DYSF: variants seen among roughly 807,000 people sequenced by gnomAD.
The protein encoded by DYSF is dysferlin.
In DYSF, 212 loss-of-function variants were observed where a neutral mutation model predicts 274.9. The observed-to-expected ratio is 0.77, with a 90% CI of 0.69 to 0.86. The LOEUF is 0.86. Ranked by LOEUF, DYSF falls within the 40% of genes least tolerant of loss-of-function variation. The pLI is 0.00. For missense variants in DYSF, 2,666 were observed against 2,783.2 expected, an observed-to-expected ratio of 0.96 and a Z score of 0.95; for synonymous variants, 1,091 against 1,078.7, an observed-to-expected ratio of 1.01 and a Z score of -0.22.
At chr2:71,605,593 G>A (rs2093632362) in intron 36 of DYSF, among the ~76,000 whole-genome samples, 1 of 152,290 alleles carries the variant, frequency 6.6e-6, no homozygotes, top group Admixed American at 6.5e-5. Flanking sequence ...TCCTGCTGGG[G>A]CAGGGGATGC....
At chr2:71,459,111 A>G (rs1352374899) in intron 1 of DYSF, among the ~76,000 whole-genome samples, 1 of 152,188 alleles carries the variant, frequency 6.6e-6, no homozygotes, top group Non-Finnish European at 1.5e-5. Flanking sequence ...GGGAGAGGGA[A>G]GAAGGCCTCA....
chr2:71,660,008 C>T (rs183308458), intron 44 of DYSF, among the ~76,000 whole-genome samples: 114 of 152,354 alleles, frequency 7.5e-4, no homozygotes, highest in African/African-American at 2.5e-3. Flanking sequence ...GCACCACTGA[C>T]GGCCTCCAAG....
At position 71,589,860 on chromosome 2, in the gene DYSF, C is replaced by T. The variant is rs72902629; in HGVS notation, c.3496+174C>T. Among the ~76,000 whole-genome samples, 920 of 152,184 alleles carry T rather than the reference C, an allele frequency of 6.0e-3. 17 individuals carry two copies. The highest frequency in any genetic ancestry group is 0.021 in the African/African-American group (875 of 41,530). On this transcript the variant is annotated intron_variant, in intron 31 of 55. Transcript: ENST00000410020. ...GTGTGTGTGTGCGCGCGTGCGTGCACGTGTCCGTGCCTATCTGTGTGGTGT... is the reference window on the plus strand; with the variant it reads ...GTGTGTGTGTGCGCGCGTGCGTGCATGTGTCCGTGCCTATCTGTGTGGTGT...
rs1360434170 is a variant in DYSF, at chr2:71,656,249, CAGG to C, written c.4720_4722del (p.Glu1574del). 1 of 1,614,222 alleles carries C rather than the reference CAGG, an allele frequency of 6.2e-7. No individual in the cohort carries two copies. Among genetic ancestry groups the C allele is most frequent in the Admixed American group, 1.7e-5 (1 of 60,030 alleles). ...CTTCAAGCTGTACCGGGGCAAGACG[CAGG>C]AGGAGACAGAAGATCCATCTGTGAT... On this transcript the variant is annotated inframe_deletion, in exon 43 of 56. Transcript: ENST00000410020.
At chr2:71,509,487 C>T (rs747816993) in intron 4 of DYSF, among the ~76,000 whole-genome samples, 13 of 152,114 alleles carry the variant, frequency 8.5e-5, no homozygotes, top group Non-Finnish European at 1.5e-4. Flanking sequence ...AATATCACTG[C>T]TGTTTCTTGG....
chr2:71,612,279 G>C (rs1023866461), intron 38 of DYSF, among the ~76,000 whole-genome samples: 2 of 152,178 alleles, frequency 1.3e-5, no homozygotes, highest in African/African-American at 4.8e-5. Context: ...GGGTCTGTAA[G>C]CCAACTCTTG....
At chr2:71,521,189 C>A (rs1049025645) in intron 12 of DYSF, among the ~76,000 whole-genome samples, 1 of 152,100 alleles carries the variant, frequency 6.6e-6, no homozygotes, top group African/African-American at 2.4e-5. Flanking sequence ...TTTCTTTTTG[C>A]AACAGTGAGA....
intron 1 of DYSF, among the ~76,000 whole-genome samples, chr2:71,479,315 C>T (rs563109913): frequency 7.9e-5 from 12 of 151,916 alleles, no homozygotes; most frequent in Admixed American, 7.9e-4. Flanking sequence ...GGACCTTCAA[C>T]ACTCTTTTTC....
chr2:71,636,996 T>C (rs1055116238), intron 41 of DYSF, among the ~76,000 whole-genome samples: 3 of 152,186 alleles, frequency 2.0e-5, no homozygotes, highest in African/African-American at 7.2e-5. Flanking sequence ...CCTGAGTCAT[T>C]GGTGACCTTG....
At chr2:71,508,126 G>C (rs1344483637) in intron 4 of DYSF, among the ~76,000 whole-genome samples, 1 of 152,166 alleles carries the variant, frequency 6.6e-6, no homozygotes, top group Admixed American at 6.5e-5. Context: ...CTAAAAAGAA[G>C]CAGATTTTCA....
intron 52 of DYSF, among the ~76,000 whole-genome samples, chr2:71,677,371 C>T (rs1202944234): frequency 6.6e-6 from 1 of 152,156 alleles, no homozygotes; most frequent in African/African-American, 2.4e-5. Flanking sequence ...TTCTATTGAT[C>T]TCTCTTAATC....
At chr2:71,598,497 C>T in intron 32 of DYSF, 67 bp from the exon 33 acceptor site, 1 of 1,588,372 alleles carries the variant, frequency 6.3e-7, no homozygotes, top group Non-Finnish European at 8.6e-7. Context: ...CCACATGGCT[C>T]TGGAGAAGAC....
intron 26 of DYSF, among the ~76,000 whole-genome samples, chr2:71,569,064 C>A (rs565813990): frequency 6.6e-6 from 1 of 151,946 alleles, no homozygotes; most frequent in Admixed American, 6.6e-5. Flanking sequence ...TTAGTAGAGA[C>A]GAGGTTTCAC....
chr2:71,653,455 A>G (rs1394383514), intron 42 of DYSF, among the ~76,000 whole-genome samples: 1 of 152,112 alleles, frequency 6.6e-6, no homozygotes, highest in Non-Finnish European at 1.5e-5. Context: ...TGTGGCACAT[A>G]TACACCATGG....
chr2:71,490,215 A>G (rs1361992269), intron 3 of DYSF, among the ~76,000 whole-genome samples: 1 of 152,238 alleles, frequency 6.6e-6, no homozygotes, highest in African/African-American at 2.4e-5. Flanking sequence ...AGTAATTTTT[A>G]TAAGTATAAA....
chr2:71,540,345 A>G (rs1434051366), intron 17 of DYSF, among the ~76,000 whole-genome samples: 1 of 151,984 alleles, frequency 6.6e-6, no homozygotes, highest in Non-Finnish European at 1.5e-5. Flanking sequence ...TCCTGGCCTC[A>G]TGATCCGCCC....
intron 36 of DYSF, among the ~76,000 whole-genome samples, chr2:71,608,535 T>C (rs1322634688): frequency 6.6e-6 from 1 of 152,118 alleles, no homozygotes; most frequent in Non-Finnish European, 1.5e-5. Flanking sequence ...TGTCTCTGCC[T>C]GTCTCTTCCT....
intron 17 of DYSF, 145 bp downstream of exon 17, chr2:71,539,384 C>T (rs111798556): frequency 6.8e-6 from 5 of 739,258 alleles, no homozygotes; most frequent in African/African-American, 5.2e-5. Context: ...GAGAAGAGCT[C>T]TGGCAATGAA....
intron 42 of DYSF, among the ~76,000 whole-genome samples, chr2:71,649,058 T>C (rs2094611611): frequency 6.9e-6 from 1 of 145,752 alleles, no homozygotes; most frequent in South Asian, 2.2e-4. Context: ...ACAGAAGGAC[T>C]GGTTGTAGTT....
Sources: allele counts gnomAD v4.1 joint callset (sites outside exome capture counted in the v4.1 genomes callset), GRCh38; gene constraint gnomAD v4.1.1; transcripts MANE v1.5; gene names NCBI Gene and HGNC (gene_info 2026-07-23, HGNC 2026-07-21).